The following LHFPL3 variants were observed in gnomAD, a reference collection of about 807,000 sequenced individuals.
LHFPL3 encodes the protein LHFPL tetraspan subfamily member 3, also known as LHFPL tetraspan subfamily member 3 protein.
Under a neutral mutation model 19.3 loss-of-function variants are expected in LHFPL3, and 5 were observed. That is an observed-to-expected ratio of 0.26 (90% CI 0.14 to 0.54). The LOEUF is 0.54. Among genes scored for constraint, LHFPL3 ranks in the 20% least tolerant of loss-of-function variants. The pLI, the probability that LHFPL3 is intolerant of heterozygous loss-of-function variation, is 0.94. For missense variants in LHFPL3, 249 were observed against 307.4 expected (o/e 0.81, Z 1.42); for synonymous variants, 133 against 126.2 (o/e 1.05, Z -0.36).
At chr7:104,627,793 T>A (rs1791574284) in intron 1 of LHFPL3, among the ~76,000 whole-genome samples, 1 of 152,178 alleles carries the variant, frequency 6.6e-6, no homozygotes, top group African/African-American at 2.4e-5. Context: ...AGATTAAAAC[T>A]CTGAACTTCT....
chr7:104,583,124 T>C (rs1263254695), intron 1 of LHFPL3, among the ~76,000 whole-genome samples: 2 of 151,940 alleles, frequency 1.3e-5, no homozygotes, highest in Non-Finnish European at 2.9e-5. Flanking sequence ...TATAGACCAA[T>C]GGAACAGAAC....
intron 1 of LHFPL3, among the ~76,000 whole-genome samples, chr7:104,524,055 C>A (rs898299251): frequency 5.9e-5 from 9 of 151,900 alleles, no homozygotes; most frequent in Non-Finnish European, 1.3e-4. Context: ...AATAGGATTG[C>A]TTTTCTCTTT....
intron 1 of LHFPL3, among the ~76,000 whole-genome samples, chr7:104,681,114 G>T (rs1350708948): frequency 6.7e-6 from 1 of 150,196 alleles, no homozygotes; most frequent in African/African-American, 2.4e-5. Flanking sequence ...ATTGTGCTAC[G>T]TGCTTAACAT....
At chr7:104,345,187 T>C (rs1369324125) in intron 1 of LHFPL3, among the ~76,000 whole-genome samples, 1 of 152,220 alleles carries the variant, frequency 6.6e-6, no homozygotes, top group African/African-American at 2.4e-5. Flanking sequence ...TTTTCAAATG[T>C]GTTGGCATAA....
At chr7:104,357,127 G>A (rs1167193025) in intron 1 of LHFPL3, among the ~76,000 whole-genome samples, 2 of 152,232 alleles carry the variant, frequency 1.3e-5, no homozygotes, top group Non-Finnish European at 2.9e-5. Context: ...ATGCTAGGTT[G>A]TTACTCCAGA....
chr7:104,626,141 A>G (rs1452090701), intron 1 of LHFPL3, among the ~76,000 whole-genome samples: 1 of 152,190 alleles, frequency 6.6e-6, no homozygotes, highest in Non-Finnish European at 1.5e-5. Flanking sequence ...CTTTAATCAA[A>G]GTATGTACTG....
chr7:104,445,657 G>A (rs1247752694), intron 1 of LHFPL3, among the ~76,000 whole-genome samples: 1 of 152,182 alleles, frequency 6.6e-6, no homozygotes, highest in East Asian at 1.9e-4. Flanking sequence ...CCAGACTTCA[G>A]TCTGGTTACC....
chr7:104,570,666 C>A (rs1254611827), intron 1 of LHFPL3, among the ~76,000 whole-genome samples: 1 of 152,144 alleles, frequency 6.6e-6, no homozygotes, highest in Non-Finnish European at 1.5e-5. Context: ...GTCCATCCAC[C>A]AAGAGACTGT....
chr7:104,422,737 A>G (rs1019500013), intron 1 of LHFPL3, among the ~76,000 whole-genome samples: 1 of 152,234 alleles, frequency 6.6e-6, no homozygotes, highest in South Asian at 2.1e-4. Context: ...ATAAAATATG[A>G]TAGTGTACCA....
Position 104,329,163 on chromosome 7 carries a change from C to G in LHFPL3, c.384C>G (p.Leu128=). 6.2e-7 allele frequency: 1 copy of G among 1,613,932 alleles called. No individual in the cohort carries two copies. ...LIIACIICFT[L]FFFCNTATVY... ...TTGCCTGCATCATTTGCTTTACCCT[C>G]TTCTTCTTCTGCAACACGGCCACTG... The change falls in exon 1 of 3, where the codon CTC becomes CTG. Residue 128 remains leucine, a synonymous_variant. Transcript: ENST00000424859.
intron 2 of LHFPL3, among the ~76,000 whole-genome samples, chr7:104,789,592 G>A (rs1789983872): frequency 6.6e-6 from 1 of 152,016 alleles, no homozygotes; most frequent in Non-Finnish European, 1.5e-5. Context: ...CTATTTTCGA[G>A]TGTCAGTGAC....
At chr7:104,537,382 CATAAGAAAGTT>C (rs1255873157) in intron 1 of LHFPL3, among the ~76,000 whole-genome samples, 2 of 152,194 alleles carry the variant, frequency 1.3e-5, no homozygotes, top group African/African-American at 4.8e-5. Flanking sequence ...TTAGACTATT[CATAAGAAAGTT>C]ATTCTCTTGC....
At chr7:104,561,198 C>T (rs1395011318) in intron 1 of LHFPL3, among the ~76,000 whole-genome samples, 1 of 151,366 alleles carries the variant, frequency 6.6e-6, no homozygotes, top group Non-Finnish European at 1.5e-5. Flanking sequence ...TCTATTAGGT[C>T]CGCTTGTTGC....
intron 2 of LHFPL3, among the ~76,000 whole-genome samples, chr7:104,750,816 G>A (rs1794151620): frequency 6.6e-6 from 1 of 152,150 alleles, no homozygotes; most frequent in African/African-American, 2.4e-5. Context: ...GAATGCCCCA[G>A]TTTGTTGTGG....
chr7:104,485,023 G>T (rs1458578036), intron 1 of LHFPL3, among the ~76,000 whole-genome samples: 24 of 152,130 alleles, frequency 1.6e-4, no homozygotes, highest in Admixed American at 1.6e-3. Context: ...GGTGACACTG[G>T]GTGGGGAGAA....
At chr7:104,738,911 A>G (rs1793880441) in intron 2 of LHFPL3, 1 of 152,162 alleles carries the variant, frequency 6.6e-6, no homozygotes, top group Non-Finnish European at 1.5e-5. Context: ...TGTGTTCATC[A>G]TCTTCTCCAT....
chr7:104,331,568 T>G (rs1172037456), intron 1 of LHFPL3, among the ~76,000 whole-genome samples: 1 of 152,166 alleles, frequency 6.6e-6, no homozygotes, highest in East Asian at 1.9e-4. Flanking sequence ...AATGTTACAT[T>G]TAACATGGTT....
intron 1 of LHFPL3, among the ~76,000 whole-genome samples, chr7:104,363,511 T>C (rs1462116580): frequency 1.8e-4 from 28 of 152,234 alleles, no homozygotes; most frequent in Admixed American, 1.8e-3. Context: ...TGGCTCTGTG[T>C]TGGTGCAATC....
chr7:104,401,346 T>C (rs746793683), intron 1 of LHFPL3, among the ~76,000 whole-genome samples: 3 of 152,188 alleles, frequency 2.0e-5, no homozygotes, highest in Non-Finnish European at 4.4e-5. Context: ...CATCTAACTT[T>C]AATTAGTTCC....
Sources: gnomAD v4.1 joint callset for allele counts (sites outside exome capture counted in the v4.1 genomes callset) on GRCh38, gnomAD v4.1.1 for gene constraint, MANE v1.5 for transcripts, NCBI Gene and HGNC (gene_info 2026-07-23, HGNC 2026-07-21) for gene names.